RSF1: variants seen among roughly 807,000 people sequenced by gnomAD.
The protein encoded by RSF1 is remodeling and spacing factor 1, also known as HBV pX-associated protein 8.
Under a neutral mutation model 145.2 loss-of-function variants are expected in RSF1, and 13 were observed. The observed-to-expected ratio is 0.09, with a 90% confidence interval of 0.06 to 0.14. The LOEUF (loss-of-function observed/expected upper bound fraction) is 0.14, where lower values mean the gene tolerates loss of function less well. Ranked by LOEUF, RSF1 falls within the 10% of genes least tolerant of loss-of-function variation. The probability of loss-of-function intolerance (pLI) is 1.00; values close to 1 mark genes in which losing one functional copy is unlikely to be tolerated. For synonymous variants in RSF1, 577 were observed against 592.6 expected, an observed-to-expected ratio of 0.97 and a Z score of 0.38; for missense variants, 1,517 against 1,718.2, an observed-to-expected ratio of 0.88 and a Z score of 2.07.
intron 13 of RSF1, among the ~76,000 whole-genome samples, chr11:77,676,533 T>C (rs569138773): frequency 6.6e-6 from 1 of 152,308 alleles, no homozygotes; most frequent in Non-Finnish European, 1.5e-5. Context: ...TCTCAACAAA[T>C]GAAAGTTTAA....
rs149593815 is a variant in RSF1 at position 77,816,986 on chromosome 11, T to C, written c.187+3542A>G. On this transcript the variant is annotated intron_variant, in intron 1 of 15. Coordinates refer to ENST00000308488, the MANE Select transcript of RSF1 (RefSeq NM_016578.4). ...TGACTAACACCAACAGTTAGCTGTATACACTTGAAATCTCTCTCTGTAGCT... is the reference window on the plus strand; with the variant it reads ...TGACTAACACCAACAGTTAGCTGTACACACTTGAAATCTCTCTCTGTAGCT... Among the ~76,000 whole-genome samples, 65 of 152,364 alleles carry C rather than the reference T, an allele frequency of 4.3e-4. 1 individual carries two copies. The East Asian group carries it at 0.012, about 28-fold the overall frequency.
At chr11:77,855,720 C>CTTTT in the RSF1 span, among the ~76,000 whole-genome samples, 442 of 127,934 alleles carry the variant, frequency 3.5e-3, 12 homozygotes, top group African/African-American at 0.012. Context: ...AGTTTTATGT[C>CTTTT]TTTTTTTTTT....
chr11:77,808,976 A>G (rs1181330479), intron 1 of RSF1, among the ~76,000 whole-genome samples: 1 of 152,212 alleles, frequency 6.6e-6, no homozygotes, highest in Non-Finnish European at 1.5e-5. Flanking sequence ...TCAGACCACA[A>G]CCATAGTACT....
chr11:77,789,064 T>C (rs1363548294), intron 1 of RSF1, among the ~76,000 whole-genome samples: 3 of 149,026 alleles, frequency 2.0e-5, no homozygotes, highest in Admixed American at 2.0e-4. Flanking sequence ...AACAGAAAAA[T>C]GACAGGAAAC....
At chr11:77,789,242 A>C (rs1948492086) in intron 1 of RSF1, among the ~76,000 whole-genome samples, 1 of 152,188 alleles carries the variant, frequency 6.6e-6, no homozygotes, top group African/African-American at 2.4e-5. Context: ...CTCAACTCTC[A>C]CAGGTCCTGA....
intron 2 of RSF1, among the ~76,000 whole-genome samples, chr11:77,756,313 A>G (rs1296904121): frequency 6.6e-6 from 1 of 150,746 alleles, no homozygotes; most frequent in Non-Finnish European, 1.5e-5. Context: ...AGCTGAGATC[A>G]TGCCATTGCA....
chr11:77,773,993 G>A (rs1024396776), intron 1 of RSF1, among the ~76,000 whole-genome samples: 33 of 152,158 alleles, frequency 2.2e-4, no homozygotes, highest in Non-Finnish European at 2.9e-5. Context: ...CATGAACTAA[G>A]TAAAACCAGG....
chr11:77,832,995 G>A, the RSF1 span, among the ~76,000 whole-genome samples: 42,010 of 74,300 alleles, frequency 0.57, 12,685 homozygotes, highest in African/African-American at 0.73. Context: ...GTGTGTGTGT[G>A]TGTATATATA....
intron 2 of RSF1, chr11:77,762,032 T>TTCTTTTC (rs1431718071): frequency 4.0e-5 from 4 of 100,640 alleles, no homozygotes; most frequent in Non-Finnish European, 8.5e-5. Flanking sequence ...CTTTTCTTTT[T>TTCTTTTC]TTTTTTTTTT....
the RSF1 span, among the ~76,000 whole-genome samples, chr11:77,844,822 G>A: frequency 2.6e-5 from 4 of 152,126 alleles, no homozygotes; most frequent in Admixed American, 6.5e-5. Flanking sequence ...TCAGTGGAGC[G>A]CCTCATGATG....
chr11:77,700,349 CAAAAAAAAAAAAAA>C (rs71046906), intron 6 of RSF1, among the ~76,000 whole-genome samples: 2 of 47,196 alleles, frequency 4.2e-5, no homozygotes, highest in Non-Finnish European at 7.6e-5. Context: ...GACTGTCTCA[CAAAAAAAAAAAAAA>C]AAAAAAAAAA....
chr11:77,673,093 T>C (rs1959599767), intron 14 of RSF1, among the ~76,000 whole-genome samples: 2 of 152,210 alleles, frequency 1.3e-5, no homozygotes, highest in African/African-American at 2.4e-5. Flanking sequence ...CTACCACAAA[T>C]CCGCCTCCTG....
chr11:77,769,689 C>G (rs1294969744), intron 1 of RSF1, among the ~76,000 whole-genome samples: 1 of 152,246 alleles, frequency 6.6e-6, no homozygotes, highest in Non-Finnish European at 1.5e-5. Flanking sequence ...AAGCATCTTT[C>G]TAGCACCATG....
At chr11:77,847,755 G>A in the RSF1 span, among the ~76,000 whole-genome samples, 1 of 152,186 alleles carries the variant, frequency 6.6e-6, no homozygotes, top group African/African-American at 2.4e-5. Flanking sequence ...TTTAGCTAGT[G>A]TATTAGTCAG....
At chr11:77,780,786 C>T (rs1340603840) in intron 1 of RSF1, among the ~76,000 whole-genome samples, 1 of 145,512 alleles carries the variant, frequency 6.9e-6, no homozygotes, top group Non-Finnish European at 1.5e-5. Context: ...GATCATGCCA[C>T]TGCACTACAG....
the RSF1 span, among the ~76,000 whole-genome samples, chr11:77,856,942 GGACA>G: frequency 3.9e-5 from 6 of 152,158 alleles, no homozygotes; most frequent in African/African-American, 1.4e-4. Flanking sequence ...AAGAATGAAA[GGACA>G]GACTGGTGAT....
rs1959225566 is a variant in RSF1, at chr11:77,660,922, G to A, written c.*5995C>T. ...AATTAGAATGGCAAAATTATCAGAT[G>A]GGAAAAAGTACTGACATTTAAACGA... On this transcript the variant is annotated 3_prime_UTR_variant, in exon 16 of 16. Transcript: ENST00000308488. 1 of 152,064 alleles carries A rather than the reference G, an allele frequency of 6.6e-6. No homozygotes were observed. The highest frequency in any genetic ancestry group is 6.6e-5 in the Admixed American group (1 of 15,264). 9.4% of individuals were successfully genotyped at this position (152,064 alleles called of 1,614,324 possible).
chr11:77,691,866 T>C (rs984272468), intron 8 of RSF1: 1 of 152,308 alleles, frequency 6.6e-6, no homozygotes, highest in Non-Finnish European at 1.5e-5. Flanking sequence ...TCCATTTCAC[T>C]GAAGAATGCA....
chr11:77,821,155 G>T (rs1014372832), upstream of RSF1: 2 of 390,594 alleles, frequency 5.1e-6, no homozygotes, highest in South Asian at 1.6e-4. Flanking sequence ...GTTGGGGAGC[G>T]CAGATCCCGA....
Sources: gnomAD v4.1 joint callset for allele counts (sites outside exome capture counted in the v4.1 genomes callset) on GRCh38, gnomAD v4.1.1 for gene constraint, MANE v1.5 for transcripts, NCBI Gene and HGNC (gene_info 2026-07-23, HGNC 2026-07-21) for gene names.